The following FLRT1 variants were observed in gnomAD, a reference collection of about 807,000 sequenced individuals.
FLRT1 encodes the protein leucine-rich repeat transmembrane protein FLRT1.
In FLRT1, 14 loss-of-function variants were observed where a neutral mutation model predicts 30.9. The ratio of observed to expected loss-of-function variants is 0.45; its 90% CI spans 0.30 to 0.71. FLRT1 has a LOEUF of 0.71. FLRT1 is among the 30% of genes least tolerant of loss of function. FLRT1 has a pLI of 0.08. For missense variants in FLRT1, 737 were observed against 949.2 expected (o/e 0.78, Z 2.94); for synonymous variants, 368 against 430.4 (o/e 0.85, Z 1.80).
At chr11:64,045,789 CAATAAT>C (rs959935368) in intron 1 of FLRT1, among the ~76,000 whole-genome samples, 1 of 152,146 alleles carries the variant, frequency 6.6e-6, no homozygotes, top group Non-Finnish European at 1.5e-5. Context: ...TCAGAACTAA[CAATAAT>C]AGTAATAACA....
intron 1 of FLRT1, among the ~76,000 whole-genome samples, chr11:64,066,294 CAAAAAA>C (rs59963244): frequency 3.9e-5 from 2 of 50,936 alleles, no homozygotes; most frequent in African/African-American, 1.3e-4. Flanking sequence ...GAGACTGTCT[CAAAAAA>C]AAAAAAAAAA....
chr11:64,071,468 G>GAGGCCA (rs1238228960), intron 1 of FLRT1, among the ~76,000 whole-genome samples: 1 of 152,194 alleles, frequency 6.6e-6, no homozygotes, highest in East Asian at 1.9e-4. Flanking sequence ...GGGCTGGGCT[G>GAGGCCA]AGGCCAAGGA....
chr11:64,078,788 G>T lies in FLRT1; in HGVS notation c.-1037-24406G>T, dbSNP rs529829609. 8.5e-5 allele frequency among the ~76,000 whole-genome samples: 13 copies of T among 152,240 alleles called. No individual in the cohort carries two copies. The East Asian group carries it at 1.7e-3, about 20-fold the overall frequency. ...AACCCAAAAGACGGGTGACTGCAGG[G>T]GGGGAGGCCTCTCTGAGCAGGGGGT... On this transcript the variant is annotated intron_variant, in intron 1 of 2. Transcript: ENST00000682287.
At chr11:64,079,848 A>C (rs1445080332) in intron 1 of FLRT1, among the ~76,000 whole-genome samples, 1 of 152,184 alleles carries the variant, frequency 6.6e-6, no homozygotes, top group Non-Finnish European at 1.5e-5. Context: ...ACAGGGAGCC[A>C]GCAACAGCTC....
intron 1 of FLRT1, among the ~76,000 whole-genome samples, chr11:64,059,751 C>T (rs956170213): frequency 6.6e-6 from 1 of 152,236 alleles, no homozygotes; most frequent in Non-Finnish European, 1.5e-5. Context: ...AGGCCTTCCC[C>T]TCTGAGTCCG....
At chr11:64,100,284 T>G (rs1433599707) in intron 1 of FLRT1, among the ~76,000 whole-genome samples, 1 of 152,224 alleles carries the variant, frequency 6.6e-6, no homozygotes, top group Non-Finnish European at 1.5e-5. Flanking sequence ...GATTGGGCAC[T>G]TGGCTTTCTT....
intron 1 of FLRT1, among the ~76,000 whole-genome samples, chr11:64,079,726 A>T (rs1944271476): frequency 6.6e-6 from 1 of 151,982 alleles, no homozygotes; most frequent in East Asian, 1.9e-4. Flanking sequence ...TCAGGGAGAG[A>T]GTGGGGCGCA....
chr11:64,069,429 G>A (rs575023530), intron 1 of FLRT1, among the ~76,000 whole-genome samples: 27 of 152,340 alleles, frequency 1.8e-4, no homozygotes, highest in Non-Finnish European at 1.6e-4. Context: ...GGGACCCTGG[G>A]GGTCTTGGAG....
chr11:64,098,633 C>T (rs1249616525), intron 1 of FLRT1, among the ~76,000 whole-genome samples: 1 of 152,174 alleles, frequency 6.6e-6, no homozygotes, highest in African/African-American at 2.4e-5. Flanking sequence ...TCACAAAGAG[C>T]CTTTTCATCT....
At chr11:64,052,756 G>A (rs895246134) in intron 1 of FLRT1, among the ~76,000 whole-genome samples, 4 of 152,242 alleles carry the variant, frequency 2.6e-5, no homozygotes, top group Non-Finnish European at 4.4e-5. Flanking sequence ...GAGTTGTGAT[G>A]TAAACCTGAT....
At chr11:64,091,450 G>A (rs1461819156) in intron 1 of FLRT1, among the ~76,000 whole-genome samples, 1 of 148,036 alleles carries the variant, frequency 6.8e-6, no homozygotes, top group Non-Finnish European at 1.5e-5. Context: ...CTGCACTGGT[G>A]CCAGGGAGGT....
chr11:64,058,767 G>A (rs1021700506), intron 1 of FLRT1, among the ~76,000 whole-genome samples: 3 of 152,262 alleles, frequency 2.0e-5, no homozygotes, highest in Admixed American at 1.3e-4. Context: ...AGGGTGGCCA[G>A]ACGATTCCTC....
rs770731645 is a variant in FLRT1 at position 64,117,902 on chromosome 11, T to G, written c.1635T>G (p.Ala545=). 2 of 1,613,922 alleles carry G rather than the reference T, an allele frequency of 1.2e-6. No individual in the cohort carries two copies. Among genetic ancestry groups the G allele is most frequent in the South Asian group, 2.2e-5 (2 of 91,086 alleles). The change falls in exon 3 of 3, where the codon GCT becomes GCG. Residue 545 remains alanine (A), a synonymous_variant. Coordinates refer to ENST00000682287, the MANE Select transcript of FLRT1 (RefSeq NM_013280.5). ...PTTTLNQEQN[A]GPMASLPLAG... ...CCACACTCAACCAGGAGCAGAACGC[T>G]GGCCCCATGGCGAGCCTGCCCCTGG...
rs538602895 is a variant in FLRT1, at chr11:64,061,278, G to T, written c.-1038+25119G>T. ...GTAATTGCTGGCTGTCAGGGCAGATGGATGCTCCGCGCGCCGACTTTGCAG... is the reference window on the plus strand; with the variant it reads ...GTAATTGCTGGCTGTCAGGGCAGATTGATGCTCCGCGCGCCGACTTTGCAG... On this transcript the variant is annotated intron_variant, in intron 1 of 2. Transcript: ENST00000682287. Among the ~76,000 whole-genome samples, 9 of 152,334 alleles carry T rather than the reference G, an allele frequency of 5.9e-5. No homozygotes were observed. In the East Asian group the frequency reaches 1.7e-3, roughly 29 times the overall value.
intron 1 of FLRT1, among the ~76,000 whole-genome samples, chr11:64,043,573 T>A (rs771968460): frequency 2.0e-5 from 3 of 152,188 alleles, no homozygotes; most frequent in Non-Finnish European, 2.9e-5. Context: ...GGGCAAGAGG[T>A]CAAATCGTGG....
intron 1 of FLRT1, among the ~76,000 whole-genome samples, chr11:64,095,383 G>A (rs998801516): frequency 2.0e-5 from 3 of 152,196 alleles, no homozygotes; most frequent in Admixed American, 6.5e-5. Flanking sequence ...TGGGCCGAGC[G>A]CACAGCATTG....
chr11:64,085,416 G>A (rs1331393305), intron 1 of FLRT1, among the ~76,000 whole-genome samples: 3 of 152,238 alleles, frequency 2.0e-5, no homozygotes, highest in South Asian at 2.1e-4. Flanking sequence ...GACGGAGGGC[G>A]GGGGAGACTG....
intron 1 of FLRT1, among the ~76,000 whole-genome samples, chr11:64,091,588 T>G (rs554260995): frequency 6.6e-6 from 1 of 152,160 alleles, no homozygotes; most frequent in African/African-American, 2.4e-5. Context: ...CAGCACCTCC[T>G]GGAGTCCTTG....
chr11:64,098,006 C>A (rs900308665), intron 1 of FLRT1, among the ~76,000 whole-genome samples: 1 of 152,142 alleles, frequency 6.6e-6, no homozygotes, highest in Non-Finnish European at 1.5e-5. Context: ...CCCAAGTTGG[C>A]CCCTTCCCTT....
Sources: gnomAD v4.1 joint callset for allele counts (sites outside exome capture counted in the v4.1 genomes callset) on GRCh38, gnomAD v4.1.1 for gene constraint, MANE v1.5 for transcripts, NCBI Gene and HGNC (gene_info 2026-07-23, HGNC 2026-07-21) for gene names.